The following NRXN3 variants were observed in gnomAD, a reference collection of about 807,000 sequenced individuals.
The protein encoded by NRXN3 is neurexin III.
A neutral mutation model predicts 137.6 loss-of-function variants in NRXN3; 32 were observed. That is an observed-to-expected ratio of 0.23 (90% CI 0.18 to 0.31). The LOEUF (loss-of-function observed/expected upper bound fraction) is 0.31. Ranked by LOEUF, NRXN3 falls within the 10% of genes least tolerant of loss-of-function variation. The pLI is 1.00. For missense variants in NRXN3, 1,574 were observed against 2,062.5 expected, an observed-to-expected ratio of 0.76 and a Z score of 4.59; for synonymous variants, 798 against 784.5, an observed-to-expected ratio of 1.02 and a Z score of -0.29.
At chr14:78,621,067 G>C (rs1213101345) in intron 4 of NRXN3, among the ~76,000 whole-genome samples, 9 of 152,154 alleles carry the variant, frequency 5.9e-5, no homozygotes, top group Non-Finnish European at 1.3e-4. Context: ...AAAGAATATG[G>C]GCTGGGGTGA....
At chr14:79,329,346 C>T (rs2091352440) in intron 15 of NRXN3, among the ~76,000 whole-genome samples, 1 of 152,176 alleles carries the variant, frequency 6.6e-6, no homozygotes, top group African/African-American at 2.4e-5. Context: ...TTTCATTAGA[C>T]TTCATTCAAA....
Position 78,243,446 on chromosome 14 carries a change from G to A in NRXN3, c.353G>A (p.Arg118His), listed in dbSNP as rs373722263. 99 of 1,574,310 alleles carry A rather than the reference G, an allele frequency of 6.3e-5. No homozygotes were observed. The African/African-American group carries it at 9.8e-4, about 16-fold the overall frequency. Residue 118 changes from arginine (R) to histidine (H), a missense_variant, in exon 2 of 21, where the codon CGC (arginine) becomes CAC (histidine). By Grantham distance (29) the Arg-to-His change is conservative. Coordinates refer to ENST00000335750, the MANE Select transcript of NRXN3 (RefSeq NM_001330195.2). The surrounding 1 kb of genome is among the most constrained non-coding windows in gnomAD (Gnocchi z 4.2). ...SWHFLMVSRD[R>H]LRTVLMLDGE... ...CACTTCCTCATGGTGAGCCGTGACC[G>A]CCTGCGCACGGTGCTGATGCTTGAT...
At chr14:79,777,505 A>G (rs1603483845) in intron 19 of NRXN3, among the ~76,000 whole-genome samples, 1 of 152,122 alleles carries the variant, frequency 6.6e-6, no homozygotes, top group East Asian at 1.9e-4. Context: ...CTTTGCTGAA[A>G]GTAGTACCTG....
intron 15 of NRXN3, among the ~76,000 whole-genome samples, chr14:79,438,902 A>G (rs1026918485): frequency 6.6e-6 from 1 of 152,240 alleles, no homozygotes; most frequent in South Asian, 2.1e-4. Context: ...CCAAGTGTAC[A>G]GTTAGTCATG....
chr14:78,296,999 T>C (rs2076411429), intron 3 of NRXN3, among the ~76,000 whole-genome samples: 1 of 152,242 alleles, frequency 6.6e-6, no homozygotes, highest in Admixed American at 6.5e-5. Context: ...TCAAGGCTTG[T>C]GCTTTCCTGA....
At chr14:78,747,525 A>G (rs546368231) in intron 8 of NRXN3, among the ~76,000 whole-genome samples, 1 of 152,192 alleles carries the variant, frequency 6.6e-6, no homozygotes, top group African/African-American at 2.4e-5. Context: ...GCCCTGGTGC[A>G]AGAGTTTCTC....
intron 16 of NRXN3, among the ~76,000 whole-genome samples, chr14:79,615,992 T>A (rs564964412): frequency 6.6e-6 from 1 of 152,146 alleles, no homozygotes; most frequent in Non-Finnish European, 1.5e-5. Context: ...AGAGCAAGAA[T>A]TCATACCCAG....
intron 15 of NRXN3, among the ~76,000 whole-genome samples, chr14:79,276,695 TGCTC>T: frequency 6.8e-6 from 1 of 146,366 alleles, no homozygotes; most frequent in African/African-American, 2.6e-5. Flanking sequence ...CAGTCTCCAA[TGCTC>T]AATGCCAATT....
chr14:78,892,537 C>G (rs1325293477), intron 10 of NRXN3, among the ~76,000 whole-genome samples: 2 of 151,436 alleles, frequency 1.3e-5, no homozygotes, highest in African/African-American at 2.4e-5. Context: ...GAAGTGTGAT[C>G]AAAACTACCT....
At chr14:79,677,840 G>A (rs1175596605) in intron 17 of NRXN3, among the ~76,000 whole-genome samples, 1 of 152,096 alleles carries the variant, frequency 6.6e-6, no homozygotes, top group Non-Finnish European at 1.5e-5. Context: ...ATTTCCAGTA[G>A]TTGTATGTAA....
At chr14:79,827,906 G>A (rs2099310218) in intron 20 of NRXN3, among the ~76,000 whole-genome samples, 1 of 152,050 alleles carries the variant, frequency 6.6e-6, no homozygotes, top group Admixed American at 6.5e-5. Context: ...ATGTTGGACA[G>A]GCTGGTCTCA....
intron 1 of NRXN3, among the ~76,000 whole-genome samples, chr14:78,200,805 C>A (rs1229104569): frequency 1.3e-5 from 2 of 152,170 alleles, no homozygotes; most frequent in Non-Finnish European, 2.9e-5. Context: ...CCTTGTCATG[C>A]AAAGAACCTT....
At chr14:79,739,341 G>A (rs765584490) in intron 19 of NRXN3, among the ~76,000 whole-genome samples, 6 of 152,102 alleles carry the variant, frequency 3.9e-5, no homozygotes, top group Non-Finnish European at 7.4e-5. Flanking sequence ...CAATTTGGGA[G>A]ACCACTTTAG....
chr14:78,772,413 C>T (rs140613975), intron 8 of NRXN3, among the ~76,000 whole-genome samples: 66 of 152,256 alleles, frequency 4.3e-4, no homozygotes, highest in African/African-American at 1.4e-3. Context: ...TCTGATCCTC[C>T]TTGCACTACT....
chr14:78,615,923 A>G (rs77955571), intron 4 of NRXN3, among the ~76,000 whole-genome samples: 5,557 of 152,238 alleles, frequency 0.037, 363 homozygotes, highest in African/African-American at 0.13. Context: ...TTAAATCACT[A>G]TACTCCAGCC....
intron 7 of NRXN3, 144 bp downstream of exon 7, chr14:78,709,799 T>C (rs2098389867): frequency 1.4e-6 from 1 of 729,516 alleles, no homozygotes; most frequent in Non-Finnish European, 2.2e-6. Context: ...TGTAAAATTA[T>C]GTTTCTGAAA....
intron 15 of NRXN3, among the ~76,000 whole-genome samples, chr14:79,248,365 A>G (rs977946577): frequency 1.3e-5 from 2 of 152,102 alleles, no homozygotes; most frequent in Non-Finnish European, 2.9e-5. Flanking sequence ...GACTTTGCCC[A>G]TGCTGGGTCC....
chr14:78,536,460 T>A (rs1333548078), intron 4 of NRXN3, among the ~76,000 whole-genome samples: 3 of 152,218 alleles, frequency 2.0e-5, no homozygotes, highest in African/African-American at 7.2e-5. Flanking sequence ...AGCCCAGTGA[T>A]GTTTATGGTG....
intron 16 of NRXN3, among the ~76,000 whole-genome samples, chr14:79,594,102 C>G (rs949253006): frequency 1.3e-5 from 2 of 152,176 alleles, no homozygotes; most frequent in African/African-American, 2.4e-5. Context: ...AAAACTCCTA[C>G]TGCCTTATCT....
Sources: gnomAD v4.1 joint callset for allele counts (sites outside exome capture counted in the v4.1 genomes callset) on GRCh38, gnomAD v4.1.1 for gene constraint, Gnocchi (gnomAD v3.1) non-coding constraint, MANE v1.5 for transcripts, NCBI Gene and HGNC (gene_info 2026-07-23, HGNC 2026-07-21) for gene names.